Variants in MTREX observed in about 807,000 individuals in gnomAD.
The protein encoded by MTREX is exosome RNA helicase MTR4.
A neutral mutation model predicts 135.4 loss-of-function variants in MTREX; 76 were observed. The observed-to-expected ratio is 0.56, with a 90% CI of 0.47 to 0.68. The LOEUF (loss-of-function observed/expected upper bound fraction) is 0.68, where lower values mean the gene tolerates loss of function less well. Among genes scored for constraint, MTREX ranks in the 30% least tolerant of loss-of-function variants. MTREX has a pLI of 0.00. For synonymous variants in MTREX, 404 were observed against 401.6 expected (o/e 1.01, Z -0.07); for missense variants, 920 against 1,262.1 (o/e 0.73, Z 4.11).
At chr5:55,372,784 T>C (rs1561200609) in intron 16 of MTREX, among the ~76,000 whole-genome samples, 1 of 152,132 alleles carries the variant, frequency 6.6e-6, no homozygotes, top group African/African-American at 2.4e-5. Context: ...AACATAGGTG[T>C]GAATTTACGT....
chr5:55,365,786 T>G (rs1750092797), intron 15 of MTREX, among the ~76,000 whole-genome samples: 1 of 152,094 alleles, frequency 6.6e-6, no homozygotes. Flanking sequence ...GGTCAAGAGA[T>G]CGAGACTATC....
intron 18 of MTREX, among the ~76,000 whole-genome samples, chr5:55,386,887 G>A (rs1207284403): frequency 6.6e-6 from 1 of 151,906 alleles, no homozygotes; most frequent in African/African-American, 2.4e-5. Context: ...GATAATCCTT[G>A]AGTCTTCTTA....
chr5:55,311,347 T>C (rs1366700923), intron 1 of MTREX, among the ~76,000 whole-genome samples: 1 of 152,214 alleles, frequency 6.6e-6, no homozygotes, highest in African/African-American at 2.4e-5. Context: ...CCCAGTTGTC[T>C]CGGATGTTTT....
At chr5:55,383,258 C>T (rs1234208414) in intron 18 of MTREX, among the ~76,000 whole-genome samples, 1 of 151,944 alleles carries the variant, frequency 6.6e-6, no homozygotes, top group Non-Finnish European at 1.5e-5. Flanking sequence ...TTACCTTTAC[C>T]AGTGTTCTTT....
rs539555989 is a variant in MTREX, at chr5:55,374,126, C to T, written c.1811-4188C>T. On this transcript the variant is annotated intron_variant, in intron 16 of 26. Transcript: ENST00000230640. ...TACAAAATTTAGCCACATGTGGTGG[C>T]GCACACCTGTAATTCCAGTTACTCA... Among the ~76,000 whole-genome samples the T allele has an allele frequency of 1.3e-3, 195 of 151,984 alleles. 5 individuals are homozygous for T. The South Asian group carries it at 0.017, about 13-fold the overall frequency.
intron 3 of MTREX, among the ~76,000 whole-genome samples, chr5:55,326,897 G>T (rs1219323955): frequency 6.6e-6 from 1 of 151,998 alleles, no homozygotes; most frequent in Non-Finnish European, 1.5e-5. Context: ...CCTGCCCTGT[G>T]TCCATGTGTT....
chr5:55,313,640 A>G (rs1749151945), intron 1 of MTREX, among the ~76,000 whole-genome samples: 2 of 152,188 alleles, frequency 1.3e-5, no homozygotes, highest in South Asian at 2.1e-4. Context: ...TTATGCCACT[A>G]ATTTGATATT....
At chr5:55,378,540 T>C in intron 17 of MTREX, 54 bp downstream of exon 17, 1 of 1,515,266 alleles carries the variant, frequency 6.6e-7, no homozygotes, top group Non-Finnish European at 8.9e-7. Flanking sequence ...TTAAACATAT[T>C]TTTGTTAAAG....
chr5:55,325,165 T>A (rs191687390), intron 3 of MTREX, among the ~76,000 whole-genome samples: 16 of 152,270 alleles, frequency 1.1e-4, no homozygotes, highest in African/African-American at 3.1e-4. Flanking sequence ...TCATTAAAAG[T>A]CTGTTGAATA....
Position 55,425,181 on chromosome 5 carries a change from C to G in MTREX, c.*409C>G. 6.2e-7 allele frequency: 1 copy of G among 1,602,130 alleles called. No individual in the cohort carries two copies. Among genetic ancestry groups the G allele is most frequent in the South Asian group, 1.1e-5 (1 of 89,206 alleles). ...CATTTTCCTTTAGAAAACAGGCCAG[C>G]TTCACCTGGGCACCCTGCTGCCTTT... On this transcript the variant is annotated 3_prime_UTR_variant, in exon 27 of 27. Transcript: ENST00000230640.
At chr5:55,424,161 CAG>C (rs1312012463) in intron 26 of MTREX, 5 of 151,884 alleles carry the variant, frequency 3.3e-5, no homozygotes, top group South Asian at 2.1e-4. Context: ...TGTGTGGAGA[CAG>C]AGTTTCGCTC....
chr5:55,388,944 C>T (rs1188885809), intron 19 of MTREX, among the ~76,000 whole-genome samples: 1 of 152,152 alleles, frequency 6.6e-6, no homozygotes, highest in Admixed American at 6.5e-5. Flanking sequence ...AAATCTGCCA[C>T]TGTAGTATCA....
intron 15 of MTREX, among the ~76,000 whole-genome samples, chr5:55,366,303 A>G (rs1750102311): frequency 6.6e-6 from 1 of 152,182 alleles, no homozygotes; most frequent in African/African-American, 2.4e-5. Context: ...AGTCTGGGTA[A>G]TACAATGAGA....
At chr5:55,318,968 TTG>T (rs1749244290) in intron 1 of MTREX, among the ~76,000 whole-genome samples, 1 of 151,712 alleles carries the variant, frequency 6.6e-6, no homozygotes. Context: ...ACCAAAATTC[TTG>T]TACATCTTCA....
At chr5:55,318,129 G>A (rs756726071) in intron 1 of MTREX, among the ~76,000 whole-genome samples, 4 of 152,200 alleles carry the variant, frequency 2.6e-5, no homozygotes, top group African/African-American at 9.6e-5. Context: ...AGCAGATGCT[G>A]TCAAGGTTGC....
At chr5:55,407,215 T>C (rs1393751985) in intron 22 of MTREX, among the ~76,000 whole-genome samples, 1 of 152,210 alleles carries the variant, frequency 6.6e-6, no homozygotes, top group Non-Finnish European at 1.5e-5. Context: ...TCAGATGTCT[T>C]CATAGAACCA....
At chr5:55,383,906 A>AC (rs1292424662) in intron 18 of MTREX, among the ~76,000 whole-genome samples, 2 of 152,130 alleles carry the variant, frequency 1.3e-5, no homozygotes, top group Non-Finnish European at 2.9e-5. Context: ...AGTAGCTGGG[A>AC]CTACAGGTGT....
At chr5:55,400,212 A>G in intron 20 of MTREX, 21 bp from the exon 21 acceptor site, 1 of 1,530,162 alleles carries the variant, frequency 6.5e-7, no homozygotes, top group South Asian at 1.3e-5. Context: ...GATGAAAATG[A>G]ATTTTACATA....
Position 55,408,423 on chromosome 5 carries a change from A to G in MTREX, c.2646-2101A>G, listed in dbSNP as rs1036428736. Among the ~76,000 whole-genome samples the G allele has an allele frequency of 2.0e-5, 3 of 152,114 alleles. No individual in the cohort carries two copies. In the East Asian group the frequency reaches 5.8e-4, roughly 29 times the overall value. ...CCAATGTTAGACTGTAGCTTCTTGA[A>G]ATAGTCTTTCCTCGTTTGTATTGTT... On this transcript the variant is annotated intron_variant, in intron 22 of 26. Transcript: ENST00000230640.
Sources: allele counts gnomAD v4.1 joint callset (sites outside exome capture counted in the v4.1 genomes callset), GRCh38; gene constraint gnomAD v4.1.1; transcripts MANE v1.5; gene names NCBI Gene and HGNC (gene_info 2026-07-23, HGNC 2026-07-21).